The following MYO18B variants were observed in gnomAD, a reference collection of about 807,000 sequenced individuals.
The protein encoded by MYO18B is myosin XVIIIB, also known as unconventional myosin-XVIIIb.
In MYO18B, 204 loss-of-function variants were observed where a neutral mutation model predicts 273.0. The ratio of observed to expected loss-of-function variants is 0.75; its 90% CI spans 0.67 to 0.84. The LOEUF is 0.84. MYO18B is among the 40% of genes least tolerant of loss of function. The pLI, the probability that MYO18B is intolerant of heterozygous loss-of-function variation, is 0.00. For missense variants in MYO18B, 3,212 were observed against 3,287.6 expected, an observed-to-expected ratio of 0.98 and a Z score of 0.56; for synonymous variants, 1,330 against 1,305.7, an observed-to-expected ratio of 1.02 and a Z score of -0.40.
At chr22:25,852,268 C>T (rs778092906) in intron 21 of MYO18B, among the ~76,000 whole-genome samples, 2 of 152,166 alleles carry the variant, frequency 1.3e-5, no homozygotes, top group African/African-American at 4.8e-5. Flanking sequence ...ATTCAGATCC[C>T]AGCTCAGATA....
chr22:25,902,517 A>C (rs1259311538), intron 29 of MYO18B, 96 bp from the exon 30 acceptor site: 4 of 1,361,180 alleles, frequency 2.9e-6, no homozygotes, highest in Non-Finnish European at 3.9e-6. Context: ...TTCTTGGGAA[A>C]CTAGCGGCCT....
chr22:25,980,566 A>G (rs530625685), intron 39 of MYO18B, among the ~76,000 whole-genome samples: 4 of 152,196 alleles, frequency 2.6e-5, no homozygotes, highest in Non-Finnish European at 4.4e-5. Flanking sequence ...GATGTTATCT[A>G]TACTCATACG....
chr22:25,857,484 A>G (rs569039268), intron 21 of MYO18B, among the ~76,000 whole-genome samples: 36 of 82,770 alleles, frequency 4.3e-4, no homozygotes, highest in African/African-American at 1.4e-3. Context: ...ATTCATCTCA[A>G]GAGTCTTTAT....
At chr22:25,833,782 C>G (rs114023350) in intron 16 of MYO18B, among the ~76,000 whole-genome samples, 1,818 of 152,336 alleles carry the variant, frequency 0.012, 33 homozygotes, top group African/African-American at 0.041. Flanking sequence ...TGGCGTGATG[C>G]TTGGCACACA....
intron 39 of MYO18B, among the ~76,000 whole-genome samples, chr22:25,958,061 C>A (rs762985422): frequency 3.3e-5 from 5 of 151,920 alleles, no homozygotes; most frequent in Non-Finnish European, 5.9e-5. Context: ...ACTACAGATG[C>A]GCGCCACCAT....
At chr22:26,041,372 AC>A in the MYO18B span, among the ~76,000 whole-genome samples, 5,374 of 145,450 alleles carry the variant, frequency 0.037, 146 homozygotes, top group South Asian at 0.088. Flanking sequence ...AAAAAAAAAA[AC>A]AAAACTAGAA....
chr22:25,864,178 G>A (rs1024126312), intron 21 of MYO18B, among the ~76,000 whole-genome samples: 1 of 152,174 alleles, frequency 6.6e-6, no homozygotes, highest in Non-Finnish European at 1.5e-5. Context: ...ACAGAGCTGG[G>A]GTGGGTGGTG....
chr22:25,894,835 G>A (rs188433207), intron 27 of MYO18B: 1 of 185,390 alleles, frequency 5.4e-6, no homozygotes. Context: ...TGCCCTTAAG[G>A]ATTATGAAAT....
intron 12 of MYO18B, among the ~76,000 whole-genome samples, chr22:25,815,259 G>A (rs114282592): frequency 0.027 from 4,122 of 152,302 alleles, 197 homozygotes; most frequent in African/African-American, 0.093. Flanking sequence ...GGACCATCTA[G>A]ATCTGGGCTT....
In MYO18B at chr22:25,770,224, GC is replaced by G. The variant is rs770379291; in HGVS notation, c.1579+53del. ...TTGGAGGGTCTGAGTCTTCTCCTGT[GC>G]CCCCTACTGCTGCCAGCCATATGTT... On this transcript the variant is annotated intron_variant, in intron 5 of 43. Transcript: ENST00000335473. The G allele has an allele frequency of 2.9e-5, 45 of 1,566,930 alleles. 1 individual carries two copies. In the South Asian group the frequency reaches 4.7e-4, roughly 16 times the overall value.
chr22:25,748,268 A>G (rs1472945358), intron 1 of MYO18B, among the ~76,000 whole-genome samples: 2 of 152,202 alleles, frequency 1.3e-5, no homozygotes, highest in Non-Finnish European at 2.9e-5. Context: ...GAGAAGGAAG[A>G]AAAAGCATCA....
chr22:25,837,831 C>T (rs1036150137), intron 17 of MYO18B, among the ~76,000 whole-genome samples: 68 of 152,212 alleles, frequency 4.5e-4, no homozygotes, highest in African/African-American at 1.6e-3. Context: ...CATGGAGGCA[C>T]AGTGCCCGGT....
intron 21 of MYO18B, among the ~76,000 whole-genome samples, chr22:25,852,851 T>G (rs2090463484): frequency 6.6e-6 from 1 of 152,244 alleles, no homozygotes; most frequent in African/African-American, 2.4e-5. Context: ...GGTTATGTCA[T>G]CTTTCTGCCT....
At chr22:26,031,146 A>G (rs1473923166), downstream of MYO18B, 3 of 388,576 alleles carry the variant, frequency 7.7e-6, no homozygotes, top group Non-Finnish European at 1.4e-5. Context: ...CGAAGCTAGC[A>G]TATGTGTGCC....
downstream of MYO18B, among the ~76,000 whole-genome samples, chr22:26,035,721 C>T (rs1458742154): frequency 1.3e-5 from 2 of 152,200 alleles, no homozygotes; most frequent in Non-Finnish European, 2.9e-5. Flanking sequence ...GCCTAACTGT[C>T]AAACCTCTCC....
In MYO18B at chr22:25,987,577, GCA is replaced by G. The variant is rs1235686575; in HGVS notation, c.6157-4784_6157-4783del. 6.6e-5 allele frequency among the ~76,000 whole-genome samples: 10 copies of G among 151,882 alleles called. No homozygotes were observed. In the East Asian group the frequency reaches 1.9e-3, roughly 29 times the overall value. ...ATTCGCCACTAATAGTCATACAATA[GCA>G]CCATTCATTTCATCCCCAAACATGT... On this transcript the variant is annotated intron_variant, in intron 39 of 43. Coordinates refer to ENST00000335473, the MANE Select transcript of MYO18B (RefSeq NM_032608.7).
intron 42 of MYO18B, among the ~76,000 whole-genome samples, chr22:26,024,215 C>A (rs1936067539): frequency 6.6e-6 from 1 of 152,144 alleles, no homozygotes; most frequent in African/African-American, 2.4e-5. Context: ...TGATTAATAA[C>A]CATTTATTAT....
intron 14 of MYO18B, among the ~76,000 whole-genome samples, chr22:25,827,300 A>C (rs1186432522): frequency 1.3e-5 from 2 of 152,308 alleles, no homozygotes; most frequent in South Asian, 4.1e-4. Flanking sequence ...AGTTCCCCTG[A>C]ATAGCCCAAT....
Position 25,946,192 on chromosome 22 carries a change from C to G in MYO18B, c.5573C>G (p.Thr1858Arg). The G allele has an allele frequency of 1.3e-6, 2 of 1,584,188 alleles. No homozygotes were observed. Among genetic ancestry groups the G allele is most frequent in the South Asian group, 2.3e-5 (2 of 85,970 alleles). Residue 1858 changes from threonine (T) to arginine (R), a missense_variant, in exon 35 of 44, where the codon ACA (threonine) becomes AGA (arginine). Coordinates refer to ENST00000335473, the MANE Select transcript of MYO18B (RefSeq NM_032608.7). ...GCCTTGAAGACGCAGAAGGTGCTCA[C>G]AGCGGACCTGGAGAGCATGCACAGC... ...EEALKTQKVL[T>R]ADLESMHSEL...
Sources: gnomAD v4.1 joint callset for allele counts (sites outside exome capture counted in the v4.1 genomes callset) on GRCh38, gnomAD v4.1.1 for gene constraint, MANE v1.5 for transcripts, NCBI Gene and HGNC (gene_info 2026-07-23, HGNC 2026-07-21) for gene names.